The following RGS6 variants were observed in gnomAD, a reference collection of about 807,000 sequenced individuals.
The protein encoded by RGS6 is regulator of G-protein signaling 6.
Under a neutral mutation model 78.5 loss-of-function variants are expected in RGS6, and 30 were observed. That is an observed-to-expected ratio of 0.38 (90% CI 0.29 to 0.52). The LOEUF is 0.52. Among genes scored for constraint, RGS6 ranks in the 20% least tolerant of loss-of-function variants. RGS6 has a pLI of 0.85. For missense variants in RGS6, 495 were observed against 609.7 expected (o/e 0.81, Z 1.98); for synonymous variants, 206 against 206.0 (o/e 1.00, Z 0.00).
chr14:72,533,701 A>G (rs1181240217), intron 15 of RGS6, among the ~76,000 whole-genome samples: 1 of 152,248 alleles, frequency 6.6e-6, no homozygotes, highest in African/African-American at 2.4e-5. Flanking sequence ...TGACTTTGAG[A>G]AGTTCAAGAT....
At chr14:72,534,269 G>A (rs2097217318) in intron 15 of RGS6, among the ~76,000 whole-genome samples, 1 of 152,156 alleles carries the variant, frequency 6.6e-6, no homozygotes, top group Non-Finnish European at 1.5e-5. Flanking sequence ...ATTAAGGTAT[G>A]TACCTTGTTT....
At chr14:72,277,202 A>C (rs1191850603) in intron 2 of RGS6, among the ~76,000 whole-genome samples, 6 of 152,212 alleles carry the variant, frequency 3.9e-5, no homozygotes, top group Admixed American at 3.9e-4. Flanking sequence ...ATAGTTTAAA[A>C]TAGCAGGTGC....
intron 2 of RGS6, among the ~76,000 whole-genome samples, chr14:71,983,958 A>C (rs192415601): frequency 7.9e-5 from 12 of 152,308 alleles, no homozygotes; most frequent in African/African-American, 2.6e-4. Context: ...CTGACAAAGC[A>C]CTGTGTGGGG....
the RGS6 span, among the ~76,000 whole-genome samples, chr14:72,578,302 C>T: frequency 9.9e-5 from 15 of 152,134 alleles, no homozygotes; most frequent in Non-Finnish European, 1.9e-4. Context: ...CCCCCTGGGT[C>T]CCACCTCCTC....
At chr14:72,408,883 T>G (rs2093170229) in intron 3 of RGS6, among the ~76,000 whole-genome samples, 2 of 152,198 alleles carry the variant, frequency 1.3e-5, no homozygotes, top group South Asian at 4.1e-4. Context: ...CATGGACACC[T>G]GGGACACACC....
At chr14:72,497,256 T>A (rs941700515) in intron 13 of RGS6, among the ~76,000 whole-genome samples, 1 of 152,200 alleles carries the variant, frequency 6.6e-6, no homozygotes, top group African/African-American at 2.4e-5. Flanking sequence ...GCATCATCAA[T>A]CATTTTGTCT....
intron 2 of RGS6, among the ~76,000 whole-genome samples, chr14:72,101,785 G>A (rs532556988): frequency 3.3e-5 from 5 of 152,256 alleles, no homozygotes; most frequent in African/African-American, 1.2e-4. Context: ...TTGGAAATGG[G>A]GCCTTTGGAA....
At chr14:72,282,779 A>G (rs2061801546) in intron 2 of RGS6, among the ~76,000 whole-genome samples, 2 of 152,172 alleles carry the variant, frequency 1.3e-5, no homozygotes, top group African/African-American at 2.4e-5. Flanking sequence ...TGTGTGGTAG[A>G]ACACTTAACA....
chr14:72,413,790 C>T (rs1347965805), intron 3 of RGS6, among the ~76,000 whole-genome samples: 2 of 152,106 alleles, frequency 1.3e-5, no homozygotes, highest in African/African-American at 4.8e-5. Context: ...TCAGCATTTG[C>T]TTGTCTGTAA....
chr14:72,149,527 A>C (rs773885352), intron 2 of RGS6, among the ~76,000 whole-genome samples: 2 of 152,168 alleles, frequency 1.3e-5, no homozygotes, highest in Non-Finnish European at 2.9e-5. Flanking sequence ...GCATGTATGA[A>C]GGGTTATGAA....
chr14:72,476,802 C>T lies in RGS6; in HGVS notation c.754C>T (p.Pro252Ser), dbSNP rs1007865766. Reference protein sequence around the residue: ...AQSPVHVLSQPIRKTTKEDIR... With the variant: ...AQSPVHVLSQSIRKTTKEDIR... ...GAGCCCGGTGCATGTACTCAGCCAACCAATCAGGAAAACAACAAAAGAGGA... is the reference window on the plus strand; with the variant it reads ...GAGCCCGGTGCATGTACTCAGCCAATCAATCAGGAAAACAACAAAAGAGGA... Residue 252 changes from proline to serine, a missense_variant, in exon 11 of 18, where the codon CCA becomes TCA. Coordinates refer to ENST00000553525, the MANE Select transcript of RGS6 (RefSeq NM_001204424.2). 6.2e-7 allele frequency: 1 copy of T among 1,614,026 alleles called. No individual in the cohort carries two copies. The highest frequency in any genetic ancestry group is 8.5e-7 in the Non-Finnish European group (1 of 1,180,018).
intron 15 of RGS6, among the ~76,000 whole-genome samples, chr14:72,520,967 CTTAG>C (rs2097029851): frequency 6.6e-6 from 1 of 152,172 alleles, no homozygotes; most frequent in African/African-American, 2.4e-5. Context: ...CCTGATTCCT[CTTAG>C]TGAGAAATGG....
chr14:72,473,823 T>C (rs746425031), intron 9 of RGS6: 3 of 152,234 alleles, frequency 2.0e-5, no homozygotes, highest in Non-Finnish European at 2.9e-5. Context: ...CATTGATTCA[T>C]TAACATTAAA....
chr14:72,457,214 C>T (rs188812705), intron 4 of RGS6, among the ~76,000 whole-genome samples: 77 of 152,082 alleles, frequency 5.1e-4, no homozygotes, highest in African/African-American at 1.7e-3. Flanking sequence ...GTTCTTGATA[C>T]GCAAAACATT....
At chr14:72,177,816 A>T (rs1477902700) in intron 2 of RGS6, among the ~76,000 whole-genome samples, 1 of 152,186 alleles carries the variant, frequency 6.6e-6, no homozygotes, top group Non-Finnish European at 1.5e-5. Context: ...AATCGCATGG[A>T]ATTTACTGAG....
the RGS6 span, among the ~76,000 whole-genome samples, chr14:72,580,623 G>A: frequency 6.6e-6 from 1 of 152,224 alleles, no homozygotes; most frequent in African/African-American, 2.4e-5. Context: ...ATGTTTGAAG[G>A]TTATTAGTAT....
chr14:72,292,615 G>T (rs2063807161), intron 2 of RGS6, among the ~76,000 whole-genome samples: 1 of 152,158 alleles, frequency 6.6e-6, no homozygotes, highest in South Asian at 2.1e-4. Context: ...AAAACTGCAG[G>T]GTTCTGCAGG....
chr14:72,538,343 C>T (rs906850198), intron 16 of RGS6, among the ~76,000 whole-genome samples: 2 of 152,240 alleles, frequency 1.3e-5, no homozygotes, highest in African/African-American at 4.8e-5. Context: ...GAGGCACAGC[C>T]TTCTGATCCT....
rs1001755675 is a variant in RGS6, at chr14:72,480,043, A to T, written c.854+1714A>T. Reference sequence around the variant, plus strand: ...AGGTCCAGTGGTTCTAAGTACCGTAATCCAGGTGAGGGAGGGGGTTAAAAA... The same window carrying T: ...AGGTCCAGTGGTTCTAAGTACCGTATTCCAGGTGAGGGAGGGGGTTAAAAA... On this transcript the variant is annotated intron_variant, in intron 12 of 17. Transcript: ENST00000553525. Among the ~76,000 whole-genome samples, 4 of 152,274 alleles carry T rather than the reference A, an allele frequency of 2.6e-5. No individual in the cohort carries two copies. The East Asian group carries it at 7.7e-4, about 29-fold the overall frequency.
Sources: gnomAD v4.1 joint callset for allele counts (sites outside exome capture counted in the v4.1 genomes callset) on GRCh38, gnomAD v4.1.1 for gene constraint, MANE v1.5 for transcripts, NCBI Gene and HGNC (gene_info 2026-07-23, HGNC 2026-07-21) for gene names.